WDPCP: variants seen among roughly 807,000 people sequenced by gnomAD.
WDPCP encodes WD repeat containing planar cell polarity effector, also known as WD repeat-containing and planar cell polarity effector protein fritz homolog.
In WDPCP, 71 loss-of-function variants were observed where a neutral mutation model predicts 93.1. The observed-to-expected ratio is 0.76, with a 90% confidence interval of 0.63 to 0.93. The LOEUF (loss-of-function observed/expected upper bound fraction) is 0.93, where lower values mean the gene tolerates loss of function less well. WDPCP is among the 40% of genes least tolerant of loss of function. WDPCP has a pLI of 0.00. For synonymous variants in WDPCP, 315 were observed against 315.0 expected (o/e 1.00, Z 0.00); for missense variants, 844 against 887.4 (o/e 0.95, Z 0.62).
chr2:63,808,249 G>A (rs2104069592), intron 2 of WDPCP, among the ~76,000 whole-genome samples: 1 of 151,968 alleles, frequency 6.6e-6, no homozygotes, highest in South Asian at 2.1e-4. Context: ...ATAAAACATA[G>A]AGAACATTTT....
In WDPCP at chr2:63,324,329, A is replaced by G. The variant is rs551023229; in HGVS notation, c.1749-11018T>C. ...CCTATGGCTCCCCCTCCTATTAATG[A>G]TAAGCCTCCTCTAATCTCCCCTGCC... On this transcript the variant is annotated intron_variant, in intron 12 of 17. Transcript: ENST00000272321. Among the ~76,000 whole-genome samples the G allele has an allele frequency of 2.0e-5, 3 of 152,212 alleles. No homozygotes were observed. In the South Asian group the frequency reaches 6.2e-4, roughly 32 times the overall value.
chr2:63,392,942 A>T (rs570081151), intron 10 of WDPCP, among the ~76,000 whole-genome samples: 2 of 152,356 alleles, frequency 1.3e-5, no homozygotes, highest in African/African-American at 4.8e-5. Flanking sequence ...TGTTGGTGGG[A>T]CTGTAAACTG....
chr2:63,460,021 A>G (rs762374967), intron 6 of WDPCP, among the ~76,000 whole-genome samples: 11 of 152,212 alleles, frequency 7.2e-5, no homozygotes, highest in Non-Finnish European at 1.3e-4. Context: ...TATCAAAAGG[A>G]TATCTGCACT....
intron 12 of WDPCP, among the ~76,000 whole-genome samples, chr2:63,327,326 G>C (rs995924423): frequency 6.6e-6 from 1 of 152,156 alleles, no homozygotes; most frequent in Non-Finnish European, 1.5e-5. Context: ...TGGACTGAAT[G>C]AGGTTTTATT....
chr2:63,286,981 A>G (rs548535367), intron 13 of WDPCP, among the ~76,000 whole-genome samples: 2 of 152,330 alleles, frequency 1.3e-5, no homozygotes, highest in East Asian at 3.9e-4. Context: ...TCACAGTTCC[A>G]GAAGCTGGAA....
At chr2:63,730,355 G>C (rs1035127539) in intron 2 of WDPCP, among the ~76,000 whole-genome samples, 2 of 152,202 alleles carry the variant, frequency 1.3e-5, no homozygotes, top group African/African-American at 4.8e-5. Flanking sequence ...GGTTTCTGGA[G>C]GTTGATTTGC....
At chr2:63,193,557 CT>C (rs1675198811) in intron 14 of WDPCP, among the ~76,000 whole-genome samples, 1 of 152,194 alleles carries the variant, frequency 6.6e-6, no homozygotes, top group South Asian at 2.1e-4. Flanking sequence ...ATGATCACAG[CT>C]CACTGCAACC....
chr2:63,268,359 A>G (rs1682334340), intron 13 of WDPCP, among the ~76,000 whole-genome samples: 1 of 152,130 alleles, frequency 6.6e-6, no homozygotes, highest in African/African-American at 2.4e-5. Flanking sequence ...AAAACATACA[A>G]AGTTTCAGTT....
chr2:63,402,581 T>G (rs757164986), intron 10 of WDPCP, among the ~76,000 whole-genome samples: 9 of 152,176 alleles, frequency 5.9e-5, no homozygotes, highest in African/African-American at 9.7e-5. Flanking sequence ...AAAAGCTCAG[T>G]ATCACTGATT....
chr2:63,756,327 C>T (rs918456898), intron 2 of WDPCP, among the ~76,000 whole-genome samples: 1 of 152,128 alleles, frequency 6.6e-6, no homozygotes, highest in Non-Finnish European at 1.5e-5. Flanking sequence ...ATTGCTGCAT[C>T]CTGCATTGTT....
chr2:63,448,579 A>C (rs763128987), intron 6 of WDPCP, among the ~76,000 whole-genome samples: 5 of 152,130 alleles, frequency 3.3e-5, no homozygotes, highest in Non-Finnish European at 7.4e-5. Context: ...TGTTACCATT[A>C]TGTTTTGTTT....
In WDPCP at chr2:63,158,188, G is replaced by C. The variant is rs1034009608; in HGVS notation, c.2079-4614C>G. ...CCATTATGGTCAGAGGACATACTTT[G>C]TATATTCTTCTAGGTTTGTTTTATG... On this transcript the variant is annotated intron_variant, in intron 15 of 17. Transcript: ENST00000272321. 2.6e-5 allele frequency among the ~76,000 whole-genome samples: 4 copies of C among 151,838 alleles called. No homozygotes were observed. The East Asian group carries it at 7.7e-4, about 29-fold the overall frequency.
intron 1 of WDPCP, among the ~76,000 whole-genome samples, chr2:63,522,695 C>G (rs983400436): frequency 6.6e-6 from 1 of 152,120 alleles, no homozygotes; most frequent in Non-Finnish European, 1.5e-5. Context: ...TCTATGAACA[C>G]AGCTAGGAAA....
intron 17 of WDPCP, among the ~76,000 whole-genome samples, chr2:63,148,903 A>G (rs895208354): frequency 6.6e-6 from 1 of 151,900 alleles, no homozygotes; most frequent in African/African-American, 2.4e-5. Flanking sequence ...CCAAACCCCA[A>G]TGGATTAAAG....
intron 8 of WDPCP, 51 bp downstream of exon 8, chr2:63,437,370 C>T: frequency 2.1e-6 from 3 of 1,418,766 alleles, no homozygotes; most frequent in African/African-American, 1.5e-5. Context: ...ATGTGATACT[C>T]TCATATACCT....
intron 3 of WDPCP, among the ~76,000 whole-genome samples, chr2:63,602,934 C>CTTTTGTTTTTTTTTTTTTTTTTTTTTTT (rs1709452776): frequency 7.6e-6 from 1 of 131,538 alleles, no homozygotes. Context: ...TTTAACCGTT[C>CTTTTGTTTTTTTTTTTTTTTTTTTTTTT]TTTTTTTTTT....
chr2:63,568,731 A>C (rs891434975), intron 1 of WDPCP, among the ~76,000 whole-genome samples: 2 of 152,252 alleles, frequency 1.3e-5, no homozygotes, highest in Non-Finnish European at 2.9e-5. Context: ...AGAGGAGAAC[A>C]AAGGAAGGAG....
At chr2:63,587,825 T>C (rs368190671) in intron 1 of WDPCP, among the ~76,000 whole-genome samples, 1 of 152,270 alleles carries the variant, frequency 6.6e-6, no homozygotes, top group South Asian at 2.1e-4. Context: ...CAAGATGGTT[T>C]AAGGCGCATC....
chr2:63,674,754 T>A (rs1416807186), intron 2 of WDPCP, among the ~76,000 whole-genome samples: 2 of 152,102 alleles, frequency 1.3e-5, no homozygotes, highest in Non-Finnish European at 2.9e-5. Flanking sequence ...AAAATTTATA[T>A]AATATGTGTG....
Sources: allele counts gnomAD v4.1 joint callset (sites outside exome capture counted in the v4.1 genomes callset), GRCh38; gene constraint gnomAD v4.1.1; transcripts MANE v1.5; gene names NCBI Gene and HGNC (gene_info 2026-07-23, HGNC 2026-07-21).